Variants in ASIC2 observed in about 807,000 individuals in gnomAD.
The protein encoded by ASIC2 is acid sensing ion channel subunit 2, also known as acid-sensing ion channel 2.
A neutral mutation model predicts 57.3 loss-of-function variants in ASIC2; 25 were observed. The ratio of observed to expected loss-of-function variants is 0.44; its 90% CI spans 0.32 to 0.61. ASIC2 has a LOEUF of 0.61. Ranked by LOEUF, ASIC2 falls within the 20% of genes least tolerant of loss-of-function variation. The probability of loss-of-function intolerance (pLI) is 0.06; values close to 1 mark genes in which losing one functional copy is unlikely to be tolerated. For missense variants in ASIC2, 641 were observed against 738.1 expected (o/e 0.87, Z 1.52); for synonymous variants, 319 against 307.5 (o/e 1.04, Z -0.39).
chr17:33,557,602 G>A (rs1471904742), intron 1 of ASIC2, among the ~76,000 whole-genome samples: 1 of 152,158 alleles, frequency 6.6e-6, no homozygotes, highest in Non-Finnish European at 1.5e-5. Context: ...GAAAGAAGAT[G>A]AGCCTTAGAA....
intron 1 of ASIC2, among the ~76,000 whole-genome samples, chr17:33,819,178 G>A (rs963695782): frequency 6.6e-6 from 1 of 152,214 alleles, no homozygotes; most frequent in Non-Finnish European, 1.5e-5. Context: ...AAGGATGGAG[G>A]CTGGAACAGT....
At chr17:33,269,640 T>C in intron 1 of ASIC2, among the ~76,000 whole-genome samples, 1 of 70,376 alleles carries the variant, frequency 1.4e-5, no homozygotes, top group South Asian at 6.7e-4. Flanking sequence ...CCTTCCTTCC[T>C]TCCTTCCTTC....
At chr17:33,512,267 A>G (rs746945928) in intron 1 of ASIC2, among the ~76,000 whole-genome samples, 1 of 152,206 alleles carries the variant, frequency 6.6e-6, no homozygotes, top group African/African-American at 2.4e-5. Context: ...TTTCCTAAAA[A>G]GTCACCTCCA....
At chr17:33,273,936 G>C (rs979010978) in intron 1 of ASIC2, among the ~76,000 whole-genome samples, 1 of 152,160 alleles carries the variant, frequency 6.6e-6, no homozygotes, top group South Asian at 2.1e-4. Flanking sequence ...AGTTCTGCCT[G>C]GTCATCATTT....
At position 33,239,674 on chromosome 17, in the gene ASIC2, C is replaced by G. The variant is rs562819513; in HGVS notation, c.708+51734G>C. Among the ~76,000 whole-genome samples, 11 of 152,282 alleles carry G rather than the reference C, an allele frequency of 7.2e-5. No individual in the cohort carries two copies. In the South Asian group the frequency reaches 2.3e-3, roughly 32 times the overall value. ...AGTGAGTGTTATTAGCCTTCCCACC[C>G]TGCCCCCCACACAAAAGTGATTACA... On this transcript the variant is annotated intron_variant, in intron 1 of 9. Coordinates refer to ENST00000225823, the MANE Select transcript of ASIC2 (RefSeq NM_183377.2).
intron 3 of ASIC2, among the ~76,000 whole-genome samples, chr17:33,053,371 T>C (rs2091985275): frequency 6.6e-6 from 1 of 152,228 alleles, no homozygotes; most frequent in Non-Finnish European, 1.5e-5. Context: ...TCTTAATTTT[T>C]AGACCTGAAA....
chr17:34,039,094 T>C, intron 1 of ASIC2: 1 of 1,614,128 alleles, frequency 6.2e-7, no homozygotes, highest in South Asian at 1.1e-5. Context: ...TAATCGTTCC[T>C]TGTATTTCTC....
chr17:33,365,897 A>G (rs1453082324), intron 1 of ASIC2, among the ~76,000 whole-genome samples: 1 of 152,214 alleles, frequency 6.6e-6, no homozygotes. Context: ...GCAAGGTAGG[A>G]CTTGCCTAGA....
chr17:33,750,838 G>C (rs1197203190), intron 1 of ASIC2, among the ~76,000 whole-genome samples: 1 of 152,160 alleles, frequency 6.6e-6, no homozygotes, highest in East Asian at 1.9e-4. Context: ...GGCAGCTGGG[G>C]ATGGGGAGAA....
intron 1 of ASIC2, among the ~76,000 whole-genome samples, chr17:33,579,673 A>C (rs747185270): frequency 6.6e-5 from 10 of 152,086 alleles, no homozygotes; most frequent in Admixed American, 2.6e-4. Context: ...GGTCTGGCAG[A>C]CTTCTAGAGT....
chr17:33,466,337 A>G (rs1422332156), intron 1 of ASIC2, among the ~76,000 whole-genome samples: 1 of 152,222 alleles, frequency 6.6e-6, no homozygotes, highest in African/African-American at 2.4e-5. Flanking sequence ...AACGAAATAA[A>G]AAAGGACACA....
intron 3 of ASIC2, among the ~76,000 whole-genome samples, chr17:33,081,677 C>T (rs2092113588): frequency 6.6e-6 from 1 of 152,132 alleles, no homozygotes; most frequent in Non-Finnish European, 1.5e-5. Context: ...TTGAAAGGCA[C>T]TTAGGAAGTT....
intron 1 of ASIC2, among the ~76,000 whole-genome samples, chr17:33,611,901 A>G (rs1014659877): frequency 1.3e-5 from 2 of 152,226 alleles, no homozygotes; most frequent in Admixed American, 1.3e-4. Context: ...ATGCAGTTAT[A>G]GAGGCTCAGA....
intron 1 of ASIC2, among the ~76,000 whole-genome samples, chr17:33,285,423 A>G (rs2142174414): frequency 6.6e-6 from 1 of 152,358 alleles, no homozygotes; most frequent in African/African-American, 2.4e-5. Context: ...CTCTGCAAAG[A>G]AAAGAAATGG....
intron 1 of ASIC2, among the ~76,000 whole-genome samples, chr17:33,160,105 A>G (rs911414718): frequency 6.6e-6 from 1 of 152,060 alleles, no homozygotes; most frequent in Admixed American, 6.5e-5. Context: ...GCCAGTTGGG[A>G]GGCTAAGGTG....
Position 33,122,365 on chromosome 17 carries a change from T to C in ASIC2, c.709-10298A>G, listed in dbSNP as rs549121745. ...TTCGATCACCCATGACATGATGGAT[T>C]TGAAGTGCCTAGCAGAGGGTACTCA... On this transcript the variant is annotated intron_variant, in intron 1 of 9. Coordinates refer to ENST00000225823, the MANE Select transcript of ASIC2 (RefSeq NM_183377.2). 3.9e-5 allele frequency among the ~76,000 whole-genome samples: 6 copies of C among 152,222 alleles called. No homozygotes were observed. The South Asian group carries it at 1.2e-3, about 32-fold the overall frequency.
At chr17:33,525,206 A>G (rs1217878040) in intron 1 of ASIC2, among the ~76,000 whole-genome samples, 1 of 152,166 alleles carries the variant, frequency 6.6e-6, no homozygotes, top group South Asian at 2.1e-4. Context: ...GTGTGCCTAC[A>G]TGGCTAGACT....
At chr17:33,571,472 G>T (rs1916439159) in intron 1 of ASIC2, among the ~76,000 whole-genome samples, 1 of 152,212 alleles carries the variant, frequency 6.6e-6, no homozygotes, top group South Asian at 2.1e-4. Context: ...TTTTCTGAAT[G>T]AGTGAAATGT....
At position 33,366,513 on chromosome 17, in the gene ASIC2, G is replaced by A. The variant is rs149570881; in HGVS notation, c.556-254446C>T. Among the ~76,000 whole-genome samples the A allele has an allele frequency of 4.0e-4, 61 of 152,296 alleles. 1 individual carries two copies. Among genetic ancestry groups the A allele is most frequent in the Non-Finnish European group, 7.1e-4 (48 of 68,032 alleles). The stretch of plus-strand genomic sequence containing the variant: ...TACTCATGACTCAAAACTCAGCTCA[G>A]CTGTCACCTTCTCCAGGGAGCCTTC... On this transcript the variant is annotated intron_variant, in intron 1 of 9. Transcript: ENST00000359872.
Sources: gnomAD v4.1 joint callset for allele counts (sites outside exome capture counted in the v4.1 genomes callset) on GRCh38, gnomAD v4.1.1 for gene constraint, MANE v1.5 for transcripts, NCBI Gene and HGNC (gene_info 2026-07-23, HGNC 2026-07-21) for gene names.